The following PDE1C variants were observed in gnomAD, a reference collection of about 807,000 sequenced individuals.
PDE1C encodes the protein dual specificity calcium/calmodulin-dependent 3',5'-cyclic nucleotide phosphodiesterase 1C.
PDE1C carries 62 observed loss-of-function variants against 93.1 expected under a neutral mutation model. The ratio of observed to expected loss-of-function variants is 0.67; its 90% CI spans 0.54 to 0.82. PDE1C has a LOEUF of 0.82. PDE1C is among the 40% of genes least tolerant of loss of function. PDE1C has a pLI of 0.00. For missense variants in PDE1C, 742 were observed against 884.6 expected (o/e 0.84, Z 2.04); for synonymous variants, 325 against 310.1 (o/e 1.05, Z -0.50).
the PDE1C span, among the ~76,000 whole-genome samples, chr7:31,644,940 A>G: frequency 6.6e-6 from 1 of 152,192 alleles, no homozygotes; most frequent in African/African-American, 2.4e-5. Flanking sequence ...TTCCACAAAT[A>G]TTTAGTGAGT....
chr7:31,625,443 T>TA, the PDE1C span, among the ~76,000 whole-genome samples: 1 of 152,056 alleles, frequency 6.6e-6, no homozygotes, highest in Non-Finnish European at 1.5e-5. Flanking sequence ...TATGCAGCCA[T>TA]AAAAAATGAT....
chr7:32,318,075 CG>C (rs1340346922), intron 1 of PDE1C, among the ~76,000 whole-genome samples: 1 of 152,142 alleles, frequency 6.6e-6, no homozygotes, highest in Non-Finnish European at 1.5e-5. Flanking sequence ...ATTTCCAATG[CG>C]TAACAACACT....
chr7:31,815,412 TC>T (rs2128722199), intron 15 of PDE1C, among the ~76,000 whole-genome samples: 1 of 152,248 alleles, frequency 6.6e-6, no homozygotes, highest in African/African-American at 2.4e-5. Flanking sequence ...TGCCTGGAGC[TC>T]TTCTGTTTTT....
At chr7:32,363,281 G>C (rs1784170934) in intron 1 of PDE1C, among the ~76,000 whole-genome samples, 1 of 152,210 alleles carries the variant, frequency 6.6e-6, no homozygotes, top group African/African-American at 2.4e-5. Flanking sequence ...CATAAGGTAA[G>C]TTTCATTATT....
At chr7:32,281,337 CTG>C (rs1811615387) in intron 1 of PDE1C, among the ~76,000 whole-genome samples, 1 of 152,168 alleles carries the variant, frequency 6.6e-6, no homozygotes, top group Non-Finnish European at 1.5e-5. Context: ...TATTTGCAAA[CTG>C]TGAAAATTAT....
rs371074341 is a variant in PDE1C at position 31,873,348 on chromosome 7, G to A, written c.553C>T (p.Leu185=). The change falls in exon 6 of 18, where the codon CTG becomes TTG. Residue 185 remains leucine, a synonymous_variant. Coordinates refer to ENST00000396191, the MANE Select transcript of PDE1C (RefSeq NM_001191057.4). ...AGTAGTTCATAGAAAATAAATTTCA[G>A]TGCATGATCCCCACTGGCCTCATTG... ...SLNEASGDHA[L]KFIFYELLTR... is the part of the protein sequence containing the mutation. 5.0e-6 allele frequency: 8 copies of A among 1,613,742 alleles called. No homozygotes were observed. The highest frequency in any genetic ancestry group is 1.6e-4 in the Middle Eastern group (1 of 6,082).
the PDE1C span, among the ~76,000 whole-genome samples, chr7:31,664,705 A>C: frequency 1.3e-4 from 20 of 152,228 alleles, no homozygotes; most frequent in African/African-American, 4.8e-4. Flanking sequence ...CTCTCAAAGC[A>C]ACCTTTCCCT....
chr7:31,923,107 T>G (rs1802841563), intron 2 of PDE1C, among the ~76,000 whole-genome samples: 1 of 152,144 alleles, frequency 6.6e-6, no homozygotes, highest in Admixed American at 6.5e-5. Flanking sequence ...TGGCTGATGC[T>G]GAAACACTGC....
chr7:31,831,476 GCACA>G (rs3842163), intron 11 of PDE1C, among the ~76,000 whole-genome samples: 1 of 141,050 alleles, frequency 7.1e-6, no homozygotes, highest in Admixed American at 7.5e-5. Context: ...GGAAGTAAAG[GCACA>G]CACACACACA....
chr7:32,086,962 A>C lies in PDE1C; in HGVS notation c.308+82823T>G, dbSNP rs1166958879. 2.0e-5 allele frequency among the ~76,000 whole-genome samples: 3 copies of C among 151,768 alleles called. No homozygotes were observed. The East Asian group carries it at 5.8e-4, about 29-fold the overall frequency. On this transcript the variant is annotated intron_variant, in intron 3 of 18. Transcript: ENST00000396193. Reference sequence around the variant, plus strand: ...GGCATGGGCAAGGACTTCATGTCTAAAACACCAAAAGCAATGGCAACAAAA... The same window carrying C: ...GGCATGGGCAAGGACTTCATGTCTACAACACCAAAAGCAATGGCAACAAAA...
At chr7:31,755,270 A>G (rs1794384588) in intron 17 of PDE1C, among the ~76,000 whole-genome samples, 1 of 152,206 alleles carries the variant, frequency 6.6e-6, no homozygotes, top group African/African-American at 2.4e-5. Context: ...AGCTTAATAG[A>G]GATACAGGTG....
chr7:31,826,247 G>C (rs1358974215), intron 12 of PDE1C, among the ~76,000 whole-genome samples: 2 of 152,182 alleles, frequency 1.3e-5, no homozygotes, highest in Non-Finnish European at 2.9e-5. Context: ...GGCCCAGGTA[G>C]AGGTAAAGCT....
chr7:31,747,896 C>G (rs1479111808), downstream of PDE1C, among the ~76,000 whole-genome samples: 3 of 151,912 alleles, frequency 2.0e-5, no homozygotes, highest in African/African-American at 7.3e-5. Flanking sequence ...CTACAACCCT[C>G]TGGCCATATA....
At chr7:31,981,935 C>G (rs576914453) in intron 2 of PDE1C, among the ~76,000 whole-genome samples, 7 of 152,310 alleles carry the variant, frequency 4.6e-5, no homozygotes, top group Admixed American at 4.6e-4. Context: ...AGACTTTGTT[C>G]TAGGTGCTGT....
At chr7:32,059,788 A>G (rs1243881385) in intron 1 of PDE1C, among the ~76,000 whole-genome samples, 1 of 152,216 alleles carries the variant, frequency 6.6e-6, no homozygotes, top group African/African-American at 2.4e-5. Context: ...CAAGGAAAAA[A>G]CAGGGAAAGG....
intron 1 of PDE1C, among the ~76,000 whole-genome samples, chr7:32,225,377 C>T (rs1807187094): frequency 6.6e-6 from 1 of 152,136 alleles, no homozygotes; most frequent in Non-Finnish European, 1.5e-5. Flanking sequence ...AACACACTCA[C>T]ACATACACAC....
Position 31,885,701 on chromosome 7 carries a change from C to CT in PDE1C, c.129-4842dup, listed in dbSNP as rs759719855. On this transcript the variant is annotated intron_variant, in intron 2 of 17. Coordinates refer to ENST00000396191, the MANE Select transcript of PDE1C (RefSeq NM_001191057.4). ...AGGATGTTAGGGAGGAGAGATATTTCTTTTTTTTCCACAAAGATAATTCCT... is the reference window on the plus strand; with the variant it reads ...AGGATGTTAGGGAGGAGAGATATTTCTTTTTTTTTCCACAAAGATAATTCCT... Among the ~76,000 whole-genome samples, 6 of 152,090 alleles carry CT rather than the reference C, an allele frequency of 3.9e-5. No homozygotes were observed. The South Asian group carries it at 6.2e-4, about 16-fold the overall frequency.
chr7:32,339,529 AT>A (rs532545763), intron 1 of PDE1C, among the ~76,000 whole-genome samples: 5 of 152,104 alleles, frequency 3.3e-5, no homozygotes, highest in Admixed American at 6.6e-5. Flanking sequence ...CACAGTTTTA[AT>A]TTTTTTTAAT....
chr7:32,267,553 C>T (rs1160890729), intron 1 of PDE1C, among the ~76,000 whole-genome samples: 1 of 150,050 alleles, frequency 6.7e-6, no homozygotes, highest in East Asian at 2.0e-4. Flanking sequence ...ACAGAAAATG[C>T]AGCCTCTTTC....
Sources: allele counts gnomAD v4.1 joint callset (sites outside exome capture counted in the v4.1 genomes callset), GRCh38; gene constraint gnomAD v4.1.1; transcripts MANE v1.5; gene names NCBI Gene and HGNC (gene_info 2026-07-23, HGNC 2026-07-21).